Variants in URGCP observed in about 807,000 individuals in gnomAD.
URGCP encodes the protein up-regulator of cell proliferation.
URGCP carries 13 observed loss-of-function variants against 24.6 expected under a neutral mutation model. The ratio of observed to expected loss-of-function variants is 0.53; its 90% CI spans 0.34 to 0.84. URGCP has a LOEUF of 0.84. Ranked by LOEUF, URGCP falls within the 40% of genes least tolerant of loss-of-function variation. URGCP has a pLI of 0.01. For missense variants in URGCP, 899 were observed against 1,194.3 expected (o/e 0.75, Z 3.64); for synonymous variants, 444 against 487.2 (o/e 0.91, Z 1.17).
At chr7:43,883,067 C>T (rs574673885) in intron 3 of URGCP, among the ~76,000 whole-genome samples, 2 of 152,068 alleles carry the variant, frequency 1.3e-5, no homozygotes, top group East Asian at 3.9e-4. Flanking sequence ...TGTTATTTGT[C>T]CAAAGTCTCC....
chr7:43,878,478 G>T lies in URGCP; in HGVS notation c.985C>A (p.Pro329Thr). 6.2e-7 allele frequency: 1 copy of T among 1,614,190 alleles called. No homozygotes were observed. Among genetic ancestry groups the T allele is most frequent in the Non-Finnish European group, 8.5e-7 (1 of 1,180,034 alleles). Residue 329 changes from proline to threonine, a missense_variant, in exon 6 of 6, where the codon CCA (proline) becomes ACA (threonine). Pro to Thr is a conservative substitution (Grantham distance 38, BLOSUM62 -1). Coordinates refer to ENST00000453200, the MANE Select transcript of URGCP (RefSeq NM_001077663.3). The surrounding 1 kb of genome is among the most constrained non-coding windows in gnomAD (Gnocchi z 5.6). Reference sequence around the variant, plus strand: ...AGGTTCAGAAAGGCCACAGGTTCTGGGAAAATGTCCAAGTCCTCCCTTCCG... The same window carrying T: ...AGGTTCAGAAAGGCCACAGGTTCTGTGAAAATGTCCAAGTCCTCCCTTCCG... Reference protein sequence around the residue: ...PSGREDLDIFPEPVAFLNLRG... With the variant: ...PSGREDLDIFTEPVAFLNLRG...
In URGCP at chr7:43,878,898, C is replaced by T; in HGVS notation, c.565G>A (p.Ala189Thr). Residue 189 changes from alanine to threonine, a missense_variant, in exon 6 of 6, where the codon GCC becomes ACC. Physicochemically the swap from Ala to Thr is moderately conservative, Grantham distance 58 (BLOSUM62 0). Transcript: ENST00000453200. The surrounding 1 kb of genome is among the most constrained non-coding windows in gnomAD (Gnocchi z 5.6). ...TPVNPLDLLC[A>T]LLLSSDSFLQ... The stretch of plus-strand genomic sequence containing the variant: ...AAACTGTCTGAGGAGAGCAGCAGGG[C>T]ACAGAGAAGGTCTAAGGGGTTCACT... 1 of 1,614,208 alleles carries T rather than the reference C, an allele frequency of 6.2e-7. No homozygotes were observed. The highest frequency in any genetic ancestry group is 8.5e-7 in the Non-Finnish European group (1 of 1,180,040).
chr7:43,880,534 C>T (rs2095852252), intron 5 of URGCP, among the ~76,000 whole-genome samples: 1 of 152,130 alleles, frequency 6.6e-6, no homozygotes, highest in African/African-American at 2.4e-5. Flanking sequence ...CCTTGATCTC[C>T]TAGGCTCAAG....
chr7:43,887,356 G>T, intron 3 of URGCP, 59 bp downstream of exon 3: 1 of 1,589,232 alleles, frequency 6.3e-7, no homozygotes, highest in South Asian at 1.2e-5. Flanking sequence ...GAATCCCAAG[G>T]GGACAGGAGA....
At chr7:43,925,106 G>T (rs1270322918) in intron 1 of URGCP, among the ~76,000 whole-genome samples, 1 of 152,182 alleles carries the variant, frequency 6.6e-6, no homozygotes, top group Non-Finnish European at 1.5e-5. Flanking sequence ...ATGTGATGCT[G>T]TAGGCCACGG....
In URGCP at chr7:43,877,818, G is replaced by C. The variant is rs1014178022; in HGVS notation, c.1645C>G (p.Gln549Glu). 2 of 1,606,942 alleles carry C rather than the reference G, an allele frequency of 1.2e-6. No homozygotes were observed. The highest frequency in any genetic ancestry group is 1.1e-5 in the South Asian group (1 of 90,426). ...CTGCTGATCCCCGAGATGAACTCCT[G>C]CACCCCCGAGGAGGGATCATGGCCG... ...QNGHDPSSGV[Q>E]EFISGISSPS... Residue 549 changes from glutamine (Q) to glutamate (E), a missense_variant, in exon 6 of 6, where the codon CAG (glutamine) becomes GAG (glutamate). Transcript: ENST00000453200.
chr7:43,896,871 G>A (rs1295803576), intron 1 of URGCP, among the ~76,000 whole-genome samples: 1 of 152,060 alleles, frequency 6.6e-6, no homozygotes, highest in East Asian at 1.9e-4. Context: ...ATTTATTGTG[G>A]ACTTATTATT....
Position 43,878,182 on chromosome 7 carries a change from G to A in URGCP, c.1281C>T (p.Phe427=), listed in dbSNP as rs17172256. The change falls in exon 6 of 6, where the codon TTC becomes TTT. Residue 427 remains phenylalanine, a synonymous_variant. Transcript: ENST00000453200. This position sits in a 1 kb window ranked among gnomAD's most constrained non-coding sequence, Gnocchi z 5.6. Reference sequence around the variant, plus strand: ...CAACGATGGCCCGGATCCTCTTCACGAAGCTGTCGCTGTCAGTGCTGCTGA... The same window carrying A: ...CAACGATGGCCCGGATCCTCTTCACAAAGCTGTCGCTGTCAGTGCTGCTGA... ...VKVSSTDSDS[F]VKRIRAIVGN... is the part of the protein sequence containing the mutation. 8.1e-6 allele frequency: 13 copies of A among 1,614,112 alleles called. No individual in the cohort carries two copies. The highest frequency in any genetic ancestry group is 4.5e-5 in the East Asian group (2 of 44,892).
chr7:43,884,761 G>C (rs2095859632), intron 3 of URGCP, among the ~76,000 whole-genome samples: 1 of 152,172 alleles, frequency 6.6e-6, no homozygotes. Flanking sequence ...TTGAGGCCAG[G>C]AGGTCAAGGC....
chr7:43,924,251 TA>T lies in URGCP; in HGVS notation c.-116+1880del, dbSNP rs542211045. 4.6e-5 allele frequency among the ~76,000 whole-genome samples: 7 copies of T among 152,322 alleles called. No homozygotes were observed. In the East Asian group the frequency reaches 1.3e-3, roughly 29 times the overall value. On this transcript the variant is annotated intron_variant, in intron 1 of 5. Coordinates refer to the URGCP transcript ENST00000426198. ...AATGAAACATTACATATAAGCATGC[TA>T]AAAAGTTTAGAAAACTATGCACTAA...
At chr7:43,917,924 C>T (rs191925825) in intron 1 of URGCP, among the ~76,000 whole-genome samples, 67 of 152,074 alleles carry the variant, frequency 4.4e-4, no homozygotes, top group Non-Finnish European at 7.9e-4. Context: ...TGATTGTGCC[C>T]TGTATTCCAG....
intron 3 of URGCP, among the ~76,000 whole-genome samples, chr7:43,883,404 A>G (rs2095857719): frequency 7.5e-6 from 1 of 132,650 alleles, no homozygotes; most frequent in Admixed American, 8.7e-5. Context: ...TGTGTTGCCC[A>G]GACTGGAGCG....
At chr7:43,923,149 G>A (rs2095924479) in intron 1 of URGCP, among the ~76,000 whole-genome samples, 1 of 151,764 alleles carries the variant, frequency 6.6e-6, no homozygotes, top group Non-Finnish European at 1.5e-5. Context: ...ATGCCAAGCT[G>A]ATTTTTGTAT....
At chr7:43,918,111 T>C (rs930338057) in intron 1 of URGCP, among the ~76,000 whole-genome samples, 1 of 151,696 alleles carries the variant, frequency 6.6e-6, no homozygotes, top group Admixed American at 6.6e-5. Context: ...CTGTCTCTAC[T>C]AAAAATACAA....
chr7:43,895,622 G>A (rs1445396550), intron 1 of URGCP, among the ~76,000 whole-genome samples: 1 of 152,140 alleles, frequency 6.6e-6, no homozygotes. Flanking sequence ...TTGCAGTGAG[G>A]TGAGATCATG....
intron 3 of URGCP, among the ~76,000 whole-genome samples, chr7:43,883,422 G>A (rs1442584272): frequency 3.4e-5 from 5 of 145,082 alleles, no homozygotes; most frequent in African/African-American, 1.0e-4. Flanking sequence ...GCGCAGTGGC[G>A]CGATCTCAGC....
In URGCP at chr7:43,877,286, C is replaced by G. The variant is rs539757869; in HGVS notation, c.2177G>C (p.Arg726Pro). 1 of 1,613,738 alleles carries G rather than the reference C, an allele frequency of 6.2e-7. No individual in the cohort carries two copies. Among genetic ancestry groups the G allele is most frequent in the Non-Finnish European group, 8.5e-7 (1 of 1,180,032 alleles). ...TGTGATGAGCTGCATGAAGGCCCCT[C>G]GAGGACCGCAGCTCTTCCCTGTGGC... ...RFATGKSCGP[R>P]GAFMQLITVA... Residue 726 changes from arginine to proline, a missense_variant, in exon 6 of 6, where the codon CGA becomes CCA. Arg to Pro is a moderately radical substitution (Grantham distance 103). Transcript: ENST00000453200.
At chr7:43,886,284 A>G (rs904031528) in intron 3 of URGCP, among the ~76,000 whole-genome samples, 1 of 152,222 alleles carries the variant, frequency 6.6e-6, no homozygotes, top group Admixed American at 6.5e-5. Flanking sequence ...CACTGTATCC[A>G]GCCTAAAATA....
At chr7:43,923,763 C>T (rs1441681721) in intron 1 of URGCP, among the ~76,000 whole-genome samples, 1 of 152,210 alleles carries the variant, frequency 6.6e-6, no homozygotes, top group African/African-American at 2.4e-5. Flanking sequence ...CAAACATTTT[C>T]TCGCATTCTG....
Sources: gnomAD v4.1 joint callset for allele counts (sites outside exome capture counted in the v4.1 genomes callset) on GRCh38, gnomAD v4.1.1 for gene constraint, Gnocchi (gnomAD v3.1) non-coding constraint, MANE v1.5 for transcripts, NCBI Gene and HGNC (gene_info 2026-07-23, HGNC 2026-07-21) for gene names.